The following C1orf185 variants were observed in gnomAD, a reference collection of about 807,000 sequenced individuals.
C1orf185 encodes chromosome 1 open reading frame 185, also known as uncharacterized protein C1orf185.
A neutral mutation model predicts 16.1 loss-of-function variants in C1orf185; 13 were observed. The ratio of observed to expected loss-of-function variants is 0.81; its 90% CI spans 0.53 to 1.28. C1orf185 has a LOEUF of 1.28. Among genes scored for constraint, C1orf185 ranks in the 50% most tolerant of loss-of-function variants. The probability of loss-of-function intolerance (pLI) is 0.00; values close to 1 mark genes in which losing one functional copy is unlikely to be tolerated. For synonymous variants in C1orf185, 80 were observed against 76.9 expected, an observed-to-expected ratio of 1.04 and a Z score of -0.21; for missense variants, 220 against 225.2, an observed-to-expected ratio of 0.98 and a Z score of 0.15.
chr1:51,115,800 G>A (rs1235603288), intron 2 of C1orf185, among the ~76,000 whole-genome samples: 9 of 152,118 alleles, frequency 5.9e-5, no homozygotes, highest in East Asian at 5.8e-4. Context: ...GAGAGTTTAC[G>A]GTGTCTTGCA....
intron 3 of C1orf185, among the ~76,000 whole-genome samples, chr1:51,143,643 C>G (rs1305396728): frequency 1.3e-5 from 2 of 151,948 alleles, no homozygotes; most frequent in Non-Finnish European, 2.9e-5. Flanking sequence ...TTTCCTTACT[C>G]GGGATTTTAT....
chr1:51,125,453 GA>G (rs956410857), intron 3 of C1orf185, among the ~76,000 whole-genome samples: 37 of 152,260 alleles, frequency 2.4e-4, no homozygotes, highest in African/African-American at 8.9e-4. Context: ...AGTCTTCCAG[GA>G]GGAGGCAATA....
At chr1:51,126,877 C>T (rs1646243938) in intron 3 of C1orf185, among the ~76,000 whole-genome samples, 1 of 152,140 alleles carries the variant, frequency 6.6e-6, no homozygotes, top group Non-Finnish European at 1.5e-5. Context: ...TCTTTAATTT[C>T]CTCTGCTCTG....
Position 51,118,786 on chromosome 1 carries a change from G to A in C1orf185, c.243G>A (p.Gly81=), listed in dbSNP as rs1047354925. 2.7e-6 allele frequency: 4 copies of A among 1,457,002 alleles called. No individual in the cohort carries two copies. The highest frequency in any genetic ancestry group is 3.7e-6 in the Non-Finnish European group (4 of 1,093,994). The allele number at this position is 1,457,002 out of a possible 1,614,324, so 90.3% of individuals were successfully genotyped here. Residue 81 remains glycine, a synonymous_variant, in exon 3 of 5, where the codon GGG becomes GGA. Transcript: ENST00000371759. ...CVFISRNFHT[G]RFQLQEEQRK... ...TTATTTCTCGAAATTTTCATACTGG[G>A]AGATTCCAATTACAGGTAGGGTGTA... is the stretch of plus-strand genomic sequence containing the variant.
chr1:51,139,013 G>C (rs1427808903), intron 3 of C1orf185, among the ~76,000 whole-genome samples: 1 of 151,964 alleles, frequency 6.6e-6, no homozygotes, highest in Non-Finnish European at 1.5e-5. Context: ...TTTACATATG[G>C]ATGATTTGAT....
At chr1:51,144,897 C>G (rs569103261) in intron 3 of C1orf185, among the ~76,000 whole-genome samples, 1 of 152,168 alleles carries the variant, frequency 6.6e-6, no homozygotes, top group South Asian at 2.1e-4. Flanking sequence ...ATGCTTTTGC[C>G]TATTGTTTAT....
intron 3 of C1orf185, among the ~76,000 whole-genome samples, chr1:51,128,704 T>TTAAAA (rs532154201): frequency 9.9e-5 from 15 of 152,024 alleles, no homozygotes; most frequent in African/African-American, 2.9e-4. Context: ...AAAAATTAAA[T>TTAAAA]TAAAATAAAA....
chr1:51,113,353 G>A (rs1319603904), intron 2 of C1orf185, among the ~76,000 whole-genome samples: 1 of 151,594 alleles, frequency 6.6e-6, no homozygotes. Flanking sequence ...AAAATTTGCT[G>A]TTTCTAATTA....
intron 3 of C1orf185, among the ~76,000 whole-genome samples, chr1:51,125,117 G>A (rs1052615365): frequency 2.6e-5 from 4 of 152,134 alleles, no homozygotes; most frequent in African/African-American, 7.2e-5. Context: ...GATGGGATGC[G>A]GTTGGAAGCC....
chr1:51,120,506 T>C (rs1295214383), intron 3 of C1orf185, among the ~76,000 whole-genome samples: 1 of 152,204 alleles, frequency 6.6e-6, no homozygotes, highest in African/African-American at 2.4e-5. Flanking sequence ...ACCGTACAAT[T>C]CTACTATTAT....
intron 3 of C1orf185, among the ~76,000 whole-genome samples, chr1:51,143,793 G>C (rs1359813560): frequency 6.6e-6 from 1 of 152,212 alleles, no homozygotes; most frequent in Non-Finnish European, 1.5e-5. Flanking sequence ...CCCCAGAGTA[G>C]CTGGCTCTAC....
At chr1:51,140,202 C>G (rs951724758) in intron 3 of C1orf185, among the ~76,000 whole-genome samples, 3 of 152,140 alleles carry the variant, frequency 2.0e-5, no homozygotes, top group Non-Finnish European at 4.4e-5. Context: ...AAACACCAAA[C>G]TGTTATTCTG....
intron 2 of C1orf185, among the ~76,000 whole-genome samples, chr1:51,113,920 T>A (rs1056740344): frequency 1.3e-5 from 2 of 152,164 alleles, no homozygotes; most frequent in Admixed American, 6.5e-5. Context: ...AGGTTACAAC[T>A]GTGAACAAGT....
chr1:51,102,621 T>C (rs1186943755), intron 1 of C1orf185, among the ~76,000 whole-genome samples: 1 of 152,154 alleles, frequency 6.6e-6, no homozygotes, highest in Non-Finnish European at 1.5e-5. Flanking sequence ...TCTTTCTTCA[T>C]TTTTAATATT....
intron 1 of C1orf185, among the ~76,000 whole-genome samples, chr1:51,110,726 C>T (rs1222320058): frequency 1.3e-5 from 2 of 151,950 alleles, no homozygotes; most frequent in Middle Eastern, 3.2e-3. Flanking sequence ...CCCAGCACTG[C>T]GGGAGGCTGA....
intron 1 of C1orf185, among the ~76,000 whole-genome samples, chr1:51,103,878 G>A (rs1320008513): frequency 6.6e-6 from 1 of 152,110 alleles, no homozygotes; most frequent in Non-Finnish European, 1.5e-5. Flanking sequence ...TTTATTGCTT[G>A]CTGTAATTCT....
intron 3 of C1orf185, among the ~76,000 whole-genome samples, chr1:51,128,338 A>G (rs917625577): frequency 1.4e-4 from 22 of 152,088 alleles, no homozygotes; most frequent in Non-Finnish European, 5.9e-5. Context: ...GAGAGTTTCA[A>G]TTTTCCATGG....
intron 2 of C1orf185, among the ~76,000 whole-genome samples, chr1:51,118,070 T>G (rs1646170213): frequency 1.3e-5 from 2 of 152,078 alleles, no homozygotes; most frequent in South Asian, 4.1e-4. Context: ...TGTGCTACCA[T>G]GCCCAGCTAA....
At chr1:51,111,366 C>CTTTTTTTTTTTT (rs1646117693) in intron 1 of C1orf185, among the ~76,000 whole-genome samples, 1 of 108,938 alleles carries the variant, frequency 9.2e-6, no homozygotes, top group Non-Finnish European at 1.8e-5. Flanking sequence ...ATTTAGCTTT[C>CTTTTTTTTTTTT]TTTCTTTCTT....
Sources: allele counts gnomAD v4.1 joint callset (sites outside exome capture counted in the v4.1 genomes callset), GRCh38; gene constraint gnomAD v4.1.1; transcripts MANE v1.5; gene names NCBI Gene and HGNC (gene_info 2026-07-23, HGNC 2026-07-21).